Variants in OSBPL1A observed in about 807,000 individuals in gnomAD.
OSBPL1A encodes oxysterol-binding protein-related protein 1.
In OSBPL1A, 80 loss-of-function variants were observed where a neutral mutation model predicts 137.1. The observed-to-expected ratio is 0.58, with a 90% CI of 0.49 to 0.70. The LOEUF (loss-of-function observed/expected upper bound fraction) is 0.70, where lower values mean the gene tolerates loss of function less well. Ranked by LOEUF, OSBPL1A falls within the 30% of genes least tolerant of loss-of-function variation. OSBPL1A has a pLI of 0.00. For missense variants in OSBPL1A, 970 were observed against 1,129.4 expected, an observed-to-expected ratio of 0.86 and a Z score of 2.02; for synonymous variants, 365 against 389.7, an observed-to-expected ratio of 0.94 and a Z score of 0.75.
At chr18:24,380,390 T>C (rs975817947) in intron 1 of OSBPL1A, among the ~76,000 whole-genome samples, 1 of 152,196 alleles carries the variant, frequency 6.6e-6, no homozygotes, top group Admixed American at 6.5e-5. Context: ...CCATATTTGG[T>C]TTATCTGGCC....
In OSBPL1A at chr18:24,207,303, C is replaced by T. The variant is rs867364021; in HGVS notation, c.1602-11103G>A. Among the ~76,000 whole-genome samples the T allele has an allele frequency of 1.2e-4, 19 of 152,242 alleles. No homozygotes were observed. The Middle Eastern group carries it at 0.01, about 82-fold the overall frequency. ...TTCACCATATTGGCCAGGCTGGTCT[C>T]GAACTCCTGACCTCAGGTGATCTGC... On this transcript the variant is annotated intron_variant, in intron 17 of 27. Transcript: ENST00000319481.
chr18:24,209,356 C>G (rs1334466237), intron 17 of OSBPL1A, among the ~76,000 whole-genome samples: 1 of 152,166 alleles, frequency 6.6e-6, no homozygotes, highest in Non-Finnish European at 1.5e-5. Flanking sequence ...ATTAAAACCA[C>G]AGAACAAGGT....
intron 14 of OSBPL1A, chr18:24,302,747 G>C (rs2090426973): frequency 6.6e-6 from 1 of 152,106 alleles, no homozygotes; most frequent in Non-Finnish European, 1.5e-5. Context: ...GTCAACTCTT[G>C]AGAACTCATA....
intron 14 of OSBPL1A, among the ~76,000 whole-genome samples, chr18:24,294,835 C>T (rs1414661227): frequency 6.6e-6 from 1 of 152,174 alleles, no homozygotes; most frequent in Non-Finnish European, 1.5e-5. Context: ...TTAGGTTGGT[C>T]CCACATCTTT....
intron 1 of OSBPL1A, among the ~76,000 whole-genome samples, chr18:24,380,781 G>A (rs750751836): frequency 2.0e-4 from 31 of 151,980 alleles, no homozygotes; most frequent in Non-Finnish European, 4.4e-4. Context: ...GTGAAACCCC[G>A]TCTCTACTAA....
chr18:24,338,983 A>G (rs1252421096), intron 5 of OSBPL1A, among the ~76,000 whole-genome samples: 1 of 151,996 alleles, frequency 6.6e-6, no homozygotes, highest in Non-Finnish European at 1.5e-5. Flanking sequence ...AAGTGCTGGG[A>G]TTACAGGTGT....
At chr18:24,284,411 TC>T (rs1354708182) in intron 14 of OSBPL1A, among the ~76,000 whole-genome samples, 2 of 152,310 alleles carry the variant, frequency 1.3e-5, no homozygotes, top group African/African-American at 4.8e-5. Flanking sequence ...AAGTTATTTT[TC>T]GTACTAAAAA....
rs188223036 is a variant in OSBPL1A at position 24,337,469 on chromosome 18, G to A, written c.395-3139C>T. Among the ~76,000 whole-genome samples the A allele has an allele frequency of 1.4e-3, 209 of 148,956 alleles. 3 individuals carry two copies. In the Middle Eastern group the frequency reaches 0.024, roughly 17 times the overall value. Reference sequence around the variant, plus strand: ...GCCTATAGTCCTAACTACTTGGGAGGCTGAGGCAGAAGAGTCGCTTGAGCC... The same window carrying A: ...GCCTATAGTCCTAACTACTTGGGAGACTGAGGCAGAAGAGTCGCTTGAGCC... On this transcript the variant is annotated intron_variant, in intron 5 of 27. Transcript: ENST00000319481.
At chr18:24,224,642 T>C (rs1342757013) in intron 17 of OSBPL1A, among the ~76,000 whole-genome samples, 5 of 152,222 alleles carry the variant, frequency 3.3e-5, no homozygotes, top group Non-Finnish European at 7.3e-5. Flanking sequence ...CTGGCAACAT[T>C]GCCACTCATT....
At chr18:24,340,796 T>C (rs1044142073) in intron 5 of OSBPL1A, among the ~76,000 whole-genome samples, 1 of 151,940 alleles carries the variant, frequency 6.6e-6, no homozygotes, top group African/African-American at 2.4e-5. Flanking sequence ...AAAAGAAAAC[T>C]GAGGCAGCCA....
intron 4 of OSBPL1A, among the ~76,000 whole-genome samples, chr18:24,362,394 C>T (rs2091637788): frequency 1.3e-5 from 2 of 152,106 alleles, no homozygotes; most frequent in South Asian, 4.1e-4. Flanking sequence ...AGTTAAGACT[C>T]CATATCTGGT....
At chr18:24,210,579 G>A (rs751413874) in intron 17 of OSBPL1A, among the ~76,000 whole-genome samples, 2 of 149,612 alleles carry the variant, frequency 1.3e-5, no homozygotes, top group Non-Finnish European at 3.0e-5. Flanking sequence ...TGTCATCCAG[G>A]CTGGAATACG....
intron 18 of OSBPL1A, among the ~76,000 whole-genome samples, chr18:24,185,244 T>C (rs1341589913): frequency 6.6e-6 from 1 of 152,096 alleles, no homozygotes; most frequent in Non-Finnish European, 1.5e-5. Flanking sequence ...TGTCATTACA[T>C]GAACACGGAA....
intron 17 of OSBPL1A, among the ~76,000 whole-genome samples, chr18:24,217,112 G>A (rs1053611502): frequency 6.6e-6 from 1 of 152,160 alleles, no homozygotes; most frequent in Non-Finnish European, 1.5e-5. Context: ...TGACCAAAGA[G>A]GGGGAAAGAT....
intron 11 of OSBPL1A, among the ~76,000 whole-genome samples, chr18:24,315,908 T>C (rs1568021932): frequency 1.5e-5 from 2 of 134,904 alleles, no homozygotes; most frequent in Admixed American, 8.7e-5. Context: ...TTATATATTA[T>C]ATAATATTAT....
rs1270968117 is a variant in OSBPL1A, at chr18:24,268,901, A to G, written c.1281+11941T>C. On this transcript the variant is annotated intron_variant, in intron 15 of 27. Transcript: ENST00000319481. ...CACCTAAGGACAATCTTACTTGAACATAATAGCATGTCCAAAAGGCAACTC... is the reference window on the plus strand; with the variant it reads ...CACCTAAGGACAATCTTACTTGAACGTAATAGCATGTCCAAAAGGCAACTC... Among the ~76,000 whole-genome samples the G allele has an allele frequency of 2.0e-5, 3 of 152,358 alleles. No homozygotes were observed. In the East Asian group the frequency reaches 5.8e-4, roughly 29 times the overall value.
chr18:24,301,311 G>C (rs1488399665), intron 14 of OSBPL1A: 1 of 152,134 alleles, frequency 6.6e-6, no homozygotes, highest in Non-Finnish European at 1.5e-5. Context: ...CGAATGACAT[G>C]TCATACAGGC....
Position 24,179,761 on chromosome 18 carries a change from C to T in OSBPL1A, c.1887G>A (p.Leu629=), listed in dbSNP as rs1228739811. 1 of 1,614,030 alleles carries T rather than the reference C, an allele frequency of 6.2e-7. No individual in the cohort carries two copies. The part of the protein sequence containing the change: ...ERTGKPFNPL[L]GETYELVRDD... ...ACCGCACTAATTCATAAGTCTCTCC[C>T]AGCAGTGGGTTGAAAGGTTTTCCAG... is the stretch of plus-strand genomic sequence containing the variant. The change falls in exon 20 of 28, where the codon CTG becomes CTA. Residue 629 remains leucine, a synonymous_variant. Transcript: ENST00000319481.
intron 15 of OSBPL1A, among the ~76,000 whole-genome samples, chr18:24,255,391 A>G (rs2089240468): frequency 6.6e-6 from 1 of 152,192 alleles, no homozygotes; most frequent in Admixed American, 6.5e-5. Context: ...CCCCCAAATT[A>G]CTAAACTAAG....
Sources: allele counts gnomAD v4.1 joint callset (sites outside exome capture counted in the v4.1 genomes callset), GRCh38; gene constraint gnomAD v4.1.1; transcripts MANE v1.5; gene names NCBI Gene and HGNC (gene_info 2026-07-23, HGNC 2026-07-21).